The following SOS1 variants were observed in gnomAD, a reference collection of about 807,000 sequenced individuals.
SOS1 encodes the protein SOS Ras/Rac guanine nucleotide exchange factor 1, also known as son of sevenless homolog 1.
SOS1 carries 25 observed loss-of-function variants against 157.6 expected under a neutral mutation model. The ratio of observed to expected loss-of-function variants is 0.16; its 90% CI spans 0.12 to 0.22. The LOEUF (loss-of-function observed/expected upper bound fraction) is 0.22. Among genes scored for constraint, SOS1 ranks in the 10% least tolerant of loss-of-function variants. SOS1 has a pLI of 1.00. For missense variants in SOS1, 1,237 were observed against 1,599.1 expected (o/e 0.77, Z 3.86); for synonymous variants, 528 against 534.0 (o/e 0.99, Z 0.16).
Position 39,015,801 on chromosome 2 carries a change from T to A in SOS1, c.1859-955A>T. Among the ~76,000 whole-genome samples the A allele has an allele frequency of 3.0e-5, 4 of 135,314 alleles. No individual in the cohort carries two copies. The East Asian group carries it at 6.4e-4, about 22-fold the overall frequency. The allele number at this position is 135,314 out of a possible 152,430, so 88.8% of individuals were successfully genotyped here. A position where few individuals can be genotyped will look rare whatever the true frequency, so the allele number is the denominator to read the frequency against. ...ATCAAGGCCCACATTTAATTGTAAA[T>A]CTTTTTTTTTTTTTTTTTTTTTTTT... On this transcript the variant is annotated intron_variant, in intron 10 of 22. Transcript: ENST00000402219.
At chr2:39,044,850 A>ATG (rs1558485562) in intron 6 of SOS1, among the ~76,000 whole-genome samples, 5 of 65,572 alleles carry the variant, frequency 7.6e-5, no homozygotes, top group East Asian at 3.7e-4. Context: ...GTACACACAC[A>ATG]TGCGCGCGCG....
intron 1 of SOS1, among the ~76,000 whole-genome samples, chr2:39,111,838 T>C (rs911234934): frequency 2.0e-5 from 3 of 151,752 alleles, no homozygotes; most frequent in Non-Finnish European, 4.4e-5. Flanking sequence ...CAAGCGATTC[T>C]CCTACCTCAG....
chr2:39,051,573 A>C (rs1000624656), intron 5 of SOS1, among the ~76,000 whole-genome samples: 19 of 152,174 alleles, frequency 1.2e-4, no homozygotes, highest in Non-Finnish European at 1.8e-4. Flanking sequence ...TTTTGTTTAT[A>C]ACTATGTATT....
intron 1 of SOS1, among the ~76,000 whole-genome samples, chr2:39,085,791 G>C (rs772034532): frequency 4.6e-5 from 7 of 152,052 alleles, no homozygotes; most frequent in African/African-American, 1.4e-4. Context: ...GTAATGCAAA[G>C]GCTATATCCC....
At chr2:39,004,051 AT>A (rs1443694770) in intron 17 of SOS1, among the ~76,000 whole-genome samples, 1 of 152,194 alleles carries the variant, frequency 6.6e-6, no homozygotes, top group Non-Finnish European at 1.5e-5. Flanking sequence ...AGAATCACTG[AT>A]TATAAAGTGA....
upstream of SOS1, among the ~76,000 whole-genome samples, chr2:39,122,804 A>C (rs1486711697): frequency 6.6e-6 from 1 of 151,856 alleles, no homozygotes; most frequent in African/African-American, 2.4e-5. Context: ...TCGGCCTCCC[A>C]AAATGCTGTG....
At chr2:39,084,982 C>T (rs1332518946) in intron 1 of SOS1, among the ~76,000 whole-genome samples, 1 of 151,998 alleles carries the variant, frequency 6.6e-6, no homozygotes, top group Non-Finnish European at 1.5e-5. Flanking sequence ...ACAGATGGGG[C>T]GCTTTATCAA....
chr2:39,066,503 C>T (rs894908321), intron 2 of SOS1, among the ~76,000 whole-genome samples: 4 of 152,182 alleles, frequency 2.6e-5, no homozygotes, highest in African/African-American at 7.2e-5. Context: ...CTCCAACTTT[C>T]GACTCCTTCC....
chr2:39,022,052 G>A lies in SOS1; in HGVS notation c.1858+518C>T, dbSNP rs1482587817. On this transcript the variant is annotated intron_variant, in intron 10 of 22. Transcript: ENST00000402219. ...AATACACTGACTATAGACATTTCTA[G>A]GTGAAAAATTATAATAAAACTGGAA... Among the ~76,000 whole-genome samples the A allele has an allele frequency of 4.6e-5, 7 of 151,524 alleles. No individual in the cohort carries two copies. In the East Asian group the frequency reaches 1.2e-3, roughly 25 times the overall value.
At chr2:39,115,169 C>T (rs1215276453) in intron 1 of SOS1, among the ~76,000 whole-genome samples, 2 of 152,186 alleles carry the variant, frequency 1.3e-5, no homozygotes, top group East Asian at 3.9e-4. Context: ...TTAAAATATA[C>T]AATCTGAAAA....
chr2:39,067,095 C>T (rs1177710206), intron 2 of SOS1, among the ~76,000 whole-genome samples: 1 of 152,138 alleles, frequency 6.6e-6, no homozygotes, highest in Non-Finnish European at 1.5e-5. Context: ...ACCGTAGCTT[C>T]GATCTCCTGG....
At chr2:39,043,372 T>G (rs570131856) in intron 6 of SOS1, among the ~76,000 whole-genome samples, 1 of 152,252 alleles carries the variant, frequency 6.6e-6, no homozygotes, top group Non-Finnish European at 1.5e-5. Flanking sequence ...TTCATTGATA[T>G]CTGAGAATGT....
chr2:39,024,131 C>G lies in SOS1; in HGVS notation c.1081G>C (p.Glu361Gln), dbSNP rs1319230923. Residue 361 changes from glutamate (E) to glutamine (Q), a missense_variant, in exon 9 of 23, where the codon GAA (glutamate) becomes CAA (glutamine). Glu to Gln is a conservative substitution (Grantham distance 29). Transcript: ENST00000402219. ...LHYFELLKQL[E>Q]EKSEDQEDKE... ...TCTTCTTGATCTTCACTTTTTTCTTCTAACTGCTGTAAAGCCAAAATGACA... is the reference window on the plus strand; with the variant it reads ...TCTTCTTGATCTTCACTTTTTTCTTGTAACTGCTGTAAAGCCAAAATGACA... 6.2e-7 allele frequency: 1 copy of G among 1,611,064 alleles called. No individual in the cohort carries two copies.
chr2:39,098,011 A>C (rs1290814748), intron 1 of SOS1: 2 of 152,302 alleles, frequency 1.3e-5, no homozygotes, highest in Non-Finnish European at 2.9e-5. Context: ...ACTAAATTTT[A>C]GAAACACTGG....
intron 2 of SOS1, among the ~76,000 whole-genome samples, chr2:39,062,969 G>A (rs932041053): frequency 1.3e-5 from 2 of 152,000 alleles, no homozygotes; most frequent in African/African-American, 4.8e-5. Flanking sequence ...CCCTTCTTCT[G>A]CATTCCCCAG....
chr2:39,017,860 G>T (rs1669676970), intron 10 of SOS1, among the ~76,000 whole-genome samples: 1 of 151,836 alleles, frequency 6.6e-6, no homozygotes, highest in African/African-American at 2.4e-5. Context: ...CCATTTCAAT[G>T]ACTGTAACAC....
chr2:39,033,832 T>G (rs1670249408), intron 8 of SOS1, among the ~76,000 whole-genome samples: 1 of 152,208 alleles, frequency 6.6e-6, no homozygotes, highest in Non-Finnish European at 1.5e-5. Context: ...CCAACACACC[T>G]GGCATTCTTG....
At chr2:39,000,463 T>C (rs1252670140) in intron 17 of SOS1, among the ~76,000 whole-genome samples, 1 of 152,234 alleles carries the variant, frequency 6.6e-6, no homozygotes, top group African/African-American at 2.4e-5. Context: ...ATAGAAAGTC[T>C]AGTTACTCCT....
intron 1 of SOS1, among the ~76,000 whole-genome samples, chr2:39,094,622 C>T (rs1269362890): frequency 1.3e-5 from 2 of 151,140 alleles, no homozygotes; most frequent in Non-Finnish European, 2.9e-5. Flanking sequence ...CACTGCACTC[C>T]AGCCTGGACG....
Sources: gnomAD v4.1 joint callset for allele counts (sites outside exome capture counted in the v4.1 genomes callset) on GRCh38, gnomAD v4.1.1 for gene constraint, MANE v1.5 for transcripts, NCBI Gene and HGNC (gene_info 2026-07-23, HGNC 2026-07-21) for gene names.